The following ERICH6 variants were observed in gnomAD, a reference collection of about 807,000 sequenced individuals.
ERICH6 encodes the protein glutamate-rich protein 6.
ERICH6 carries 71 observed loss-of-function variants against 71.0 expected under a neutral mutation model. The ratio of observed to expected loss-of-function variants is 1.00; its 90% CI spans 0.83 to 1.22. ERICH6 has a LOEUF of 1.22. Ranked by LOEUF, ERICH6 falls within the 50% of genes most tolerant of loss-of-function variation. The pLI is 0.00. For missense variants in ERICH6, 808 were observed against 797.2 expected (o/e 1.01, Z -0.16); for synonymous variants, 262 against 278.4 (o/e 0.94, Z 0.59).
intron 10 of ERICH6, among the ~76,000 whole-genome samples, chr3:150,677,452 T>C (rs570795382): frequency 6.6e-6 from 1 of 152,036 alleles, no homozygotes; most frequent in African/African-American, 2.4e-5. Context: ...ATAAATTATA[T>C]AGCTATGAAA....
chr3:150,669,531 C>T lies in ERICH6; in HGVS notation c.1344-80G>A, dbSNP rs111226438. On this transcript the variant is annotated intron_variant, in intron 11 of 13. Transcript: ENST00000295910. ...AACAAATTCAATTTATGAGAGAGCA[C>T]TCTGAAATCATAAAGCATTCTGAAA... is the stretch of plus-strand genomic sequence containing the variant. 28 of 1,455,028 alleles carry T rather than the reference C, an allele frequency of 1.9e-5. No homozygotes were observed. The African/African-American group carries it at 2.9e-4, about 15-fold the overall frequency. 90.1% of individuals were successfully genotyped at this position (1,455,028 alleles called of 1,614,324 possible). A position where few individuals can be genotyped will look rare whatever the true frequency, so the allele number is the denominator to read the frequency against.
At chr3:150,689,742 T>C (rs1313477922) in intron 3 of ERICH6, among the ~76,000 whole-genome samples, 2 of 152,202 alleles carry the variant, frequency 1.3e-5, no homozygotes, top group Non-Finnish European at 2.9e-5. Flanking sequence ...TCCTTTCTCT[T>C]GTACCCTCTG....
At chr3:150,677,226 A>G (rs753622230) in intron 10 of ERICH6, among the ~76,000 whole-genome samples, 4 of 152,146 alleles carry the variant, frequency 2.6e-5, no homozygotes, top group Non-Finnish European at 5.9e-5. Flanking sequence ...TACAGGTGCA[A>G]GCCAGTTTGC....
intron 13 of ERICH6, among the ~76,000 whole-genome samples, chr3:150,664,902 G>A (rs1440806317): frequency 6.6e-6 from 1 of 150,556 alleles, no homozygotes; most frequent in Non-Finnish European, 1.5e-5. Flanking sequence ...AATGAGAAAA[G>A]TAAAAAACTT....
At chr3:150,663,414 C>T (rs1466996600) in intron 13 of ERICH6, among the ~76,000 whole-genome samples, 2 of 151,862 alleles carry the variant, frequency 1.3e-5, no homozygotes, top group African/African-American at 4.9e-5. Flanking sequence ...ATGGAGAGGA[C>T]TGAGACTGGA....
rs1196531632 is a variant in ERICH6, at chr3:150,676,818, AT to A, written c.1257+1590del. ...TGCCCAGCTAATTAATTAAAAAAAA[AT>A]TTTTTTTTTTTTGAGACAGAGTCCT... On this transcript the variant is annotated intron_variant, in intron 10 of 13. Transcript: ENST00000295910. Among the ~76,000 whole-genome samples the A allele has an allele frequency of 2.3e-3, 334 of 144,914 alleles. 1 individual carries two copies. Among genetic ancestry groups the A allele is most frequent in the East Asian group, 5.0e-3 (25 of 5,010 alleles).
chr3:150,695,660 T>C (rs914188574), intron 3 of ERICH6, among the ~76,000 whole-genome samples: 10 of 151,968 alleles, frequency 6.6e-5, no homozygotes, highest in Admixed American at 2.6e-4. Context: ...GAGCGAGACT[T>C]CGTCTCAAAA....
At chr3:150,677,307 G>A (rs1025280759) in intron 10 of ERICH6, among the ~76,000 whole-genome samples, 2 of 152,020 alleles carry the variant, frequency 1.3e-5, no homozygotes, top group African/African-American at 4.8e-5. Context: ...ATTACGAGAG[G>A]TCTATTCTGA....
rs767646036 is a variant in ERICH6, at chr3:150,680,883, C to G, written c.930G>C (p.Glu310Asp). 2.5e-6 allele frequency: 4 copies of G among 1,613,320 alleles called. No individual in the cohort carries two copies. Among genetic ancestry groups the G allele is most frequent in the Non-Finnish European group, 3.4e-6 (4 of 1,179,874 alleles). The change falls in exon 8 of 14, where the codon GAG becomes GAC. Residue 310 changes from glutamate (E) to aspartate (D), a missense_variant. Physicochemically the swap from Glu to Asp is conservative, Grantham distance 45. Coordinates refer to ENST00000295910, the MANE Select transcript of ERICH6 (RefSeq NM_152394.5). ...TAGGGGGTTTGGTTTTTATTTGCTC[C>G]TCATAGATATAGTCAATCAGATTTT... ...AFQNLIDYIYEEQIKTKPPKA... is the reference protein window; with the variant it reads ...AFQNLIDYIYDEQIKTKPPKA...
Position 150,660,033 on chromosome 3 carries a change from G to T in ERICH6, c.1851C>A (p.Pro617=). ...FHKLEGCVNF[P]SSQVWEKLKQ... ...TTAATTTTTCCCAAACCTGGCTTGA[G>T]GGAAAATTCACACATCCTTCAAGTT... The change falls in exon 14 of 14, where the codon CCC becomes CCA. Residue 617 remains proline, a synonymous_variant. Transcript: ENST00000295910. The T allele has an allele frequency of 2.5e-6, 4 of 1,614,132 alleles. No individual in the cohort carries two copies. The highest frequency in any genetic ancestry group is 3.4e-6 in the Non-Finnish European group (4 of 1,180,028).
At chr3:150,684,651 G>A (rs1166244827) in intron 6 of ERICH6, among the ~76,000 whole-genome samples, 3 of 152,214 alleles carry the variant, frequency 2.0e-5, no homozygotes, top group Admixed American at 1.3e-4. Flanking sequence ...TAGCGGCAGT[G>A]TGGTGGTGCA....
chr3:150,673,883 G>T, intron 11 of ERICH6, 73 bp downstream of exon 11: 2 of 1,447,834 alleles, frequency 1.4e-6, no homozygotes, highest in East Asian at 2.3e-5. Flanking sequence ...ACCCAACCAT[G>T]TATTTCCTTC....
intron 12 of ERICH6, 58 bp downstream of exon 12, chr3:150,669,238 A>C: frequency 6.6e-7 from 1 of 1,519,726 alleles, no homozygotes; most frequent in Non-Finnish European, 8.8e-7. Context: ...AAAAGAAAAA[A>C]CAAAATTTCC....
intron 11 of ERICH6, among the ~76,000 whole-genome samples, chr3:150,670,723 G>T (rs1711498872): frequency 6.6e-6 from 1 of 152,056 alleles, no homozygotes; most frequent in Non-Finnish European, 1.5e-5. Context: ...TACACTAACA[G>T]TAGACATTCT....
chr3:150,675,705 T>C (rs1474845379), intron 10 of ERICH6, among the ~76,000 whole-genome samples: 1 of 148,340 alleles, frequency 6.7e-6, no homozygotes, highest in Non-Finnish European at 1.5e-5. Context: ...AGATTGGCCA[T>C]TGTTTTTTTT....
At chr3:150,668,599 CA>C (rs1369840083) in intron 12 of ERICH6, among the ~76,000 whole-genome samples, 2 of 152,162 alleles carry the variant, frequency 1.3e-5, no homozygotes. Flanking sequence ...GAAGGACTAG[CA>C]GTATATAAAC....
chr3:150,676,202 A>G (rs2108052254), intron 10 of ERICH6, among the ~76,000 whole-genome samples: 1 of 151,750 alleles, frequency 6.6e-6, no homozygotes, highest in East Asian at 1.9e-4. Context: ...TTCTTTCTTT[A>G]GTGGAGTCTA....
At position 150,691,871 on chromosome 3, in the gene ERICH6, C is replaced by A. The variant is rs555499848; in HGVS notation, c.554-5517G>T. Among the ~76,000 whole-genome samples the A allele has an allele frequency of 1.2e-3, 189 of 152,156 alleles. 1 individual carries two copies. The highest frequency in any genetic ancestry group is 4.1e-3 in the African/African-American group (172 of 41,540). ...TAAACACTGACAGCAATTAAGGCCC[C>A]ATCTTCAGGCCTGGTAGAAGATGTC... is the stretch of plus-strand genomic sequence containing the variant. On this transcript the variant is annotated intron_variant, in intron 3 of 13. Transcript: ENST00000295910.
chr3:150,702,605 T>C (rs1029910078), intron 1 of ERICH6, among the ~76,000 whole-genome samples: 1 of 152,108 alleles, frequency 6.6e-6, no homozygotes, highest in Non-Finnish European at 1.5e-5. Flanking sequence ...CGCAAGGATG[T>C]GTGCTTCTAG....
Sources: gnomAD v4.1 joint callset for allele counts (sites outside exome capture counted in the v4.1 genomes callset) on GRCh38, gnomAD v4.1.1 for gene constraint, MANE v1.5 for transcripts, NCBI Gene and HGNC (gene_info 2026-07-23, HGNC 2026-07-21) for gene names.